The following BTN1A1 variants were observed in gnomAD, a reference collection of about 807,000 sequenced individuals.
BTN1A1 encodes bK14H9.2 (butyrophilin, subfamily 1, member A1).
In BTN1A1, 26 loss-of-function variants were observed where a neutral mutation model predicts 33.1. The ratio of observed to expected loss-of-function variants is 0.79; its 90% CI spans 0.58 to 1.09. The LOEUF (loss-of-function observed/expected upper bound fraction) is 1.09, where lower values mean the gene tolerates loss of function less well. Among genes scored for constraint, BTN1A1 ranks in the 50% least tolerant of loss-of-function variants. BTN1A1 has a pLI of 0.00. For missense variants in BTN1A1, 558 were observed against 655.7 expected (o/e 0.85, Z 1.63); for synonymous variants, 235 against 256.2 (o/e 0.92, Z 0.79).
At position 26,508,603 on chromosome 6, in the gene BTN1A1, A is replaced by G. The variant is rs1763902501; in HGVS notation, c.1010A>G (p.Lys337Arg). 1.3e-5 allele frequency: 21 copies of G among 1,614,212 alleles called. No individual in the cohort carries two copies. Among genetic ancestry groups the G allele is most frequent in the Non-Finnish European group, 1.8e-5 (21 of 1,180,038 alleles). ...GATTCACGTCAGAAACTGCCTGAGA[A>G]AACAGAGAGATTTGACTCCTGGCCC... ...LEDSRQKLPE[K>R]TERFDSWPCV... is the part of the protein sequence containing the mutation. The change falls in exon 8 of 8, where the codon AAA (lysine) becomes AGA (arginine). Residue 337 changes from lysine (K) to arginine (R), a missense_variant. By Grantham distance (26) the Lys-to-Arg change is conservative. Coordinates refer to ENST00000684113, the MANE Select transcript of BTN1A1 (RefSeq NM_001732.3).
chr6:26,506,123 C>A (rs1443056197), intron 4 of BTN1A1, among the ~76,000 whole-genome samples: 69 of 130,052 alleles, frequency 5.3e-4, no homozygotes, highest in Admixed American at 5.5e-4. Context: ...GACTGCATCT[C>A]AAAAAAAAAA....
chr6:26,503,001 T>C (rs992366046), intron 3 of BTN1A1, among the ~76,000 whole-genome samples: 3 of 152,104 alleles, frequency 2.0e-5, no homozygotes. Context: ...ACTGTAAAAC[T>C]GAGGATGTTT....
chr6:26,501,359 G>A lies in BTN1A1; in HGVS notation c.73G>A (p.Asp25Asn), dbSNP rs372967388. The A allele has an allele frequency of 1.9e-6, 3 of 1,613,296 alleles. No individual in the cohort carries two copies. The highest frequency in any genetic ancestry group is 2.7e-5 in the African/African-American group (2 of 74,984). The change falls in exon 2 of 8, where the codon GAT becomes AAT. Residue 25 changes from aspartate to asparagine, a missense_variant. By Grantham distance (23) the Asp-to-Asn change is conservative. Transcript: ENST00000684113. The surrounding 1 kb of genome is among the most constrained non-coding windows in gnomAD (Gnocchi z 5.2). ...CATTCTCCTCCAGCTGCCCAAACTGGATTCAGGTAAGTCTCTCTCTCTCTC... is the reference window on the plus strand; with the variant it reads ...CATTCTCCTCCAGCTGCCCAAACTGAATTCAGGTAAGTCTCTCTCTCTCTC... ...TLILLQLPKL[D>N]SAPFDVIGPP...
At position 26,501,721 on chromosome 6, in the gene BTN1A1, T is replaced by C. The variant is rs1233086929; in HGVS notation, c.211T>C (p.Ser71Pro). ...GCTACGCTGGTTCCGAAAGAAGGTT[T>C]CGCCGGCCGTGCTGGTGCATAGGGA... is the stretch of plus-strand genomic sequence containing the variant. ...LELRWFRKKVSPAVLVHRDGR... is the reference protein window; with the variant it reads ...LELRWFRKKVPPAVLVHRDGR... Residue 71 changes from serine (S) to proline (P), a missense_variant, in exon 3 of 8, where the codon TCG (serine) becomes CCG (proline). Ser to Pro is a moderately conservative substitution (Grantham distance 74). Transcript: ENST00000684113. The surrounding 1 kb of genome is among the most constrained non-coding windows in gnomAD (Gnocchi z 5.2). The C allele has an allele frequency of 6.2e-7, 1 of 1,613,868 alleles. No individual in the cohort carries two copies. Among genetic ancestry groups the C allele is most frequent in the Non-Finnish European group, 8.5e-7 (1 of 1,180,004 alleles).
intron 3 of BTN1A1, among the ~76,000 whole-genome samples, chr6:26,503,390 C>T (rs576040478): frequency 6.6e-6 from 1 of 151,660 alleles, no homozygotes; most frequent in South Asian, 2.1e-4. Context: ...ATCGCTTGAA[C>T]CTGGGAGGCA....
Position 26,501,541 on chromosome 6 carries a change from C to T in BTN1A1, c.80-49C>T. ...GGCGGGAATCTGGTCGGTGTCTGTCCGTAGTTCCCATCTCCACATCCCGTC... is the reference window on the plus strand; with the variant it reads ...GGCGGGAATCTGGTCGGTGTCTGTCTGTAGTTCCCATCTCCACATCCCGTC... On this transcript the variant is annotated intron_variant, in intron 2 of 7. Transcript: ENST00000684113. This position sits in a 1 kb window ranked among gnomAD's most constrained non-coding sequence, Gnocchi z 5.2. 1 of 1,603,838 alleles carries T rather than the reference C, an allele frequency of 6.2e-7. No homozygotes were observed. The highest frequency in any genetic ancestry group is 8.5e-7 in the Non-Finnish European group (1 of 1,173,292).
intron 6 of BTN1A1, 33 bp downstream of exon 6, chr6:26,508,003 G>C (rs774821937): frequency 6.2e-7 from 1 of 1,613,630 alleles, no homozygotes; most frequent in Non-Finnish European, 8.5e-7. Flanking sequence ...TTCACCCACA[G>C]AGTTTTCTCT....
Position 26,507,960 on chromosome 6 carries a change from G to C in BTN1A1, c.870G>C (p.Leu290=). 1 of 1,614,054 alleles carries C rather than the reference G, an allele frequency of 6.2e-7. No individual in the cohort carries two copies. The highest frequency in any genetic ancestry group is 8.5e-7 in the Non-Finnish European group (1 of 1,179,980). Residue 290 remains leucine (L), a synonymous_variant, in exon 6 of 8, where the codon CTG becomes CTC. Transcript: ENST00000684113. ...RNEFSSKERL[L]EELKWKKATL... is the part of the protein sequence containing the mutation. ...TTGTTTGTTTTCCAGAGAGACTCCT[G>C]GAAGAACTCAGTAAGTTCTGTCTTC...
rs1763913121 is a variant in BTN1A1, at chr6:26,509,165, G to A, written c.1572G>A (p.Gly524=). 1 of 1,608,814 alleles carries A rather than the reference G, an allele frequency of 6.2e-7. No homozygotes were observed. The highest frequency in any genetic ancestry group is 1.3e-5 in the African/African-American group (1 of 74,778). ...SKLIPTQPSQ[G]AP Reference sequence around the variant, plus strand: ...TAATCCCTACCCAACCCAGCCAAGGGGCACCTTAAGGAATATCTCAGCTCA... The same window carrying A: ...TAATCCCTACCCAACCCAGCCAAGGAGCACCTTAAGGAATATCTCAGCTCA... The change falls in exon 8 of 8, where the codon GGG becomes GGA. Residue 524 remains glycine (G), a synonymous_variant. Coordinates refer to ENST00000684113, the MANE Select transcript of BTN1A1 (RefSeq NM_001732.3).
rs1763849667 is a variant in BTN1A1 at position 26,504,950 on chromosome 6, T to C, written c.453T>C (p.Ser151=). The change falls in exon 4 of 8, where the codon AGT becomes AGC. Residue 151 remains serine, a synonymous_variant. Transcript: ENST00000684113. The part of the protein sequence containing the change: ...VAALGSDPHI[S]MQVQENGEIC... ...CTCTGGGCTCTGACCCTCACATCAG[T>C]ATGCAAGTTCAAGAGAATGGAGAAA... is the stretch of plus-strand genomic sequence containing the variant. 7 of 1,613,932 alleles carry C rather than the reference T, an allele frequency of 4.3e-6. No homozygotes were observed. Among genetic ancestry groups the C allele is most frequent in the African/African-American group, 1.3e-5 (1 of 74,866 alleles).
At position 26,509,621 on chromosome 6, in the gene BTN1A1, C is replaced by G. The variant is rs1763917739; in HGVS notation, c.*447C>G. The G allele has an allele frequency of 6.3e-6, 1 of 158,580 alleles. No individual in the cohort carries two copies. The highest frequency in any genetic ancestry group is 1.4e-5 in the Non-Finnish European group (1 of 72,244). 9.8% of individuals were successfully genotyped at this position (158,580 alleles called of 1,614,324 possible). On this transcript the variant is annotated 3_prime_UTR_variant, in exon 8 of 8. Transcript: ENST00000684113. ...CTCAGGCTGAAATCCCATAAAGGAA[C>G]TTGGAGGGAATATTATGATGGAGGG...
intron 3 of BTN1A1, 150 bp downstream of exon 3, chr6:26,502,087 G>T: frequency 1.6e-6 from 2 of 1,222,804 alleles, no homozygotes; most frequent in South Asian, 5.2e-5. Context: ...GGCGGGAGGC[G>T]AGGGGGGGTA....
chr6:26,508,122 C>T, intron 7 of BTN1A1, 35 bp downstream of exon 7: 1 of 1,576,828 alleles, frequency 6.3e-7, no homozygotes, highest in Non-Finnish European at 8.6e-7. Context: ...GGCTCTGAGG[C>T]TCTATCCCCT....
At position 26,501,533 on chromosome 6, in the gene BTN1A1, T is replaced by G; in HGVS notation, c.80-57T>G. Reference sequence around the variant, plus strand: ...TGCGCTTTGGCGGGAATCTGGTCGGTGTCTGTCCGTAGTTCCCATCTCCAC... The same window carrying G: ...TGCGCTTTGGCGGGAATCTGGTCGGGGTCTGTCCGTAGTTCCCATCTCCAC... On this transcript the variant is annotated intron_variant, in intron 2 of 7. Coordinates refer to ENST00000684113, the MANE Select transcript of BTN1A1 (RefSeq NM_001732.3). This position sits in a 1 kb window ranked among gnomAD's most constrained non-coding sequence, Gnocchi z 5.2. 1 of 1,601,858 alleles carries G rather than the reference T, an allele frequency of 6.2e-7. No homozygotes were observed. Among genetic ancestry groups the G allele is most frequent in the Non-Finnish European group, 8.5e-7 (1 of 1,172,000 alleles).
chr6:26,506,740 T>A lies in BTN1A1; in HGVS notation c.767T>A (p.Val256Asp). 6.2e-7 allele frequency: 1 copy of A among 1,614,042 alleles called. No homozygotes were observed. Among genetic ancestry groups the A allele is most frequent in the Non-Finnish European group, 8.5e-7 (1 of 1,179,984 alleles). Residue 256 changes from valine (V) to aspartate (D), a missense_variant, in exon 5 of 8, where the codon GTT becomes GAT. Val to Asp is a radical substitution (Grantham distance 152). Transcript: ENST00000684113. ...GTGGCTGTGGCTGTCATCCTGATGG[T>A]TCTAGGACTTCTCACCATTGGGTCC... ...WIVAVAVILMVLGLLTIGSIF... is the reference protein window; with the variant it reads ...WIVAVAVILMDLGLLTIGSIF...
Position 26,509,060 on chromosome 6 carries a change from G to T in BTN1A1, c.1467G>T (p.Gln489His). ...GGGTCACAGTCATTGCTAATGCCCAGGACCTTTCTAAGGAGATCCCATTGT... is the reference window on the plus strand; with the variant it reads ...GGGTCACAGTCATTGCTAATGCCCATGACCTTTCTAAGGAGATCCCATTGT... ...PERVTVIANA[Q>H]DLSKEIPLSP... Residue 489 changes from glutamine (Q) to histidine (H), a missense_variant, in exon 8 of 8, where the codon CAG becomes CAT. Gln to His is a conservative substitution (Grantham distance 24, BLOSUM62 0). Transcript: ENST00000684113. The T allele has an allele frequency of 6.2e-7, 1 of 1,614,164 alleles. No homozygotes were observed. The highest frequency in any genetic ancestry group is 8.5e-7 in the Non-Finnish European group (1 of 1,180,046).
intron 5 of BTN1A1, among the ~76,000 whole-genome samples, chr6:26,507,357 G>A (rs572302742): frequency 1.3e-4 from 20 of 152,152 alleles, no homozygotes; most frequent in Non-Finnish European, 2.9e-4. Context: ...TATCAGGGCT[G>A]ATGTTTACTC....
At chr6:26,507,114 G>A (rs1481089116) in intron 5 of BTN1A1, among the ~76,000 whole-genome samples, 4 of 152,154 alleles carry the variant, frequency 2.6e-5, no homozygotes, top group African/African-American at 7.2e-5. Flanking sequence ...CCAGCTACTC[G>A]GGAGGCTGAG....
intron 4 of BTN1A1, 115 bp from the exon 5 acceptor site, chr6:26,506,568 G>A: frequency 1.3e-5 from 14 of 1,097,132 alleles, no homozygotes; most frequent in South Asian, 3.1e-5. Flanking sequence ...TTTGCTATAT[G>A]AGGGATGAGA....
Sources: allele counts gnomAD v4.1 joint callset (sites outside exome capture counted in the v4.1 genomes callset), GRCh38; gene constraint gnomAD v4.1.1; non-coding constraint Gnocchi (gnomAD v3.1); transcripts MANE v1.5; gene names NCBI Gene and HGNC (gene_info 2026-07-23, HGNC 2026-07-21).